Variants in GAD1 observed in about 807,000 individuals in gnomAD.
The protein encoded by GAD1 is glutamate decarboxylase 1, also known as 67 kDa glutamic acid decarboxylase.
Under a neutral mutation model 75.2 loss-of-function variants are expected in GAD1, and 35 were observed. The observed-to-expected ratio is 0.47, with a 90% CI of 0.36 to 0.62. GAD1 has a LOEUF of 0.62. Among genes scored for constraint, GAD1 ranks in the 20% least tolerant of loss-of-function variants. The probability of loss-of-function intolerance (pLI) is 0.00; values close to 1 mark genes in which losing one functional copy is unlikely to be tolerated. For synonymous variants in GAD1, 257 were observed against 271.9 expected, an observed-to-expected ratio of 0.95 and a Z score of 0.54; for missense variants, 490 against 758.5, an observed-to-expected ratio of 0.65 and a Z score of 4.16.
rs1029132164 is a variant in GAD1, at chr2:170,836,655, A to C, written c.548-138A>C. 4.2e-6 allele frequency: 3 copies of C among 708,708 alleles called. No individual in the cohort carries two copies. The African/African-American group carries it at 5.3e-5, about 12-fold the overall frequency. The allele number at this position is 708,708 out of a possible 1,614,324, so 43.9% of individuals were successfully genotyped here. A position where few individuals can be genotyped will look rare whatever the true frequency, so the allele number is the denominator to read the frequency against. On this transcript the variant is annotated intron_variant, in intron 5 of 16. Coordinates refer to ENST00000358196, the MANE Select transcript of GAD1 (RefSeq NM_000817.3). The stretch of plus-strand genomic sequence containing the variant: ...TGGGTCAACCTGCCCTTCCTTTTTC[A>C]ATATCCTTGAGCAGCCTTATTCGAC...
chr2:170,845,565 G>A lies in GAD1; in HGVS notation c.811G>A (p.Val271Ile), dbSNP rs148633602. The change falls in exon 8 of 17, where the codon GTT becomes ATT. Residue 271 changes from valine to isoleucine, a missense_variant. Val to Ile is a conservative substitution (Grantham distance 29). This residue lies in a region of GAD1 where 324 missense variants were observed against 523.9 expected (regional missense o/e 0.62). Coordinates refer to ENST00000358196, the MANE Select transcript of GAD1 (RefSeq NM_000817.3). ...MAARYKYFPE[V>I]KTKGMAAVPK... ...TGCTCGCTACAAGTACTTCCCGGAA[G>A]TTAAGACAAAGGGCATGGCGGCTGT... 2 of 1,614,068 alleles carry A rather than the reference G, an allele frequency of 1.2e-6. No homozygotes were observed. The highest frequency in any genetic ancestry group is 1.3e-5 in the African/African-American group (1 of 74,930).
At chr2:170,841,564 A>G (rs747823676) in intron 6 of GAD1, among the ~76,000 whole-genome samples, 2 of 152,144 alleles carry the variant, frequency 1.3e-5, no homozygotes, top group Non-Finnish European at 2.9e-5. Flanking sequence ...TAAAGTTAAA[A>G]ATAAGAAATT....
intron 5 of GAD1, among the ~76,000 whole-genome samples, chr2:170,835,820 C>G (rs183058376): frequency 6.6e-6 from 1 of 152,102 alleles, no homozygotes; most frequent in Non-Finnish European, 1.5e-5. Context: ...TGGCAATGAG[C>G]AAAGTAGAGT....
At chr2:170,854,397 CTTTTTTTTTTT>C (rs71399565) in intron 14 of GAD1, among the ~76,000 whole-genome samples, 1 of 112,776 alleles carries the variant, frequency 8.9e-6, no homozygotes, top group African/African-American at 3.4e-5. Context: ...ACCTTGAATT[CTTTTTTTTTTT>C]TTTTTTTTTT....
intron 3 of GAD1, among the ~76,000 whole-genome samples, chr2:170,827,969 G>A (rs1181943218): frequency 6.6e-6 from 1 of 152,110 alleles, no homozygotes; most frequent in African/African-American, 2.4e-5. Flanking sequence ...TCAACCCTGT[G>A]AGCATTACCT....
chr2:170,844,257 G>T, intron 7 of GAD1, 100 bp downstream of exon 7: 1 of 736,704 alleles, frequency 1.4e-6, no homozygotes, highest in Non-Finnish European at 2.4e-6. Flanking sequence ...CATTTTTTTT[G>T]GATACCCTGA....
chr2:170,823,769 G>A (rs1446723977), intron 3 of GAD1, among the ~76,000 whole-genome samples: 6 of 152,104 alleles, frequency 3.9e-5, no homozygotes, highest in Admixed American at 1.3e-4. Context: ...AGCCAGCCGG[G>A]CAGGCAGAAC....
chr2:170,822,186 C>A (rs771454267), intron 3 of GAD1, 37 bp downstream of exon 3: 2 of 1,580,568 alleles, frequency 1.3e-6, no homozygotes, highest in Non-Finnish European at 1.7e-6. Flanking sequence ...GGCTGGGTGG[C>A]GCGGCGGGCG....
At chr2:170,831,218 G>T in intron 5 of GAD1, 26 bp downstream of exon 5, 2 of 1,613,648 alleles carry the variant, frequency 1.2e-6, no homozygotes, top group East Asian at 2.2e-5. Flanking sequence ...GGGTAGACAG[G>T]TAGTGGCAAC....
At chr2:170,819,073 A>G (rs569012738) in intron 2 of GAD1, among the ~76,000 whole-genome samples, 3 of 152,172 alleles carry the variant, frequency 2.0e-5, no homozygotes, top group Non-Finnish European at 4.4e-5. Context: ...GCTTTCGTTG[A>G]GCCAAGATCT....
chr2:170,852,867 C>G, intron 13 of GAD1, 75 bp downstream of exon 13: 1 of 1,246,756 alleles, frequency 8.0e-7, no homozygotes, highest in South Asian at 1.2e-5. Flanking sequence ...CGTGGGGTCT[C>G]TTTGCAGTAC....
intron 3 of GAD1, among the ~76,000 whole-genome samples, chr2:170,825,346 G>A (rs985902719): frequency 6.6e-6 from 1 of 152,116 alleles, no homozygotes. Flanking sequence ...CTATGATGGC[G>A]CCACTACACT....
rs201233553 is a variant in GAD1 at position 170,829,595 on chromosome 2, G to A, written c.266G>A (p.Arg89Gln). Residue 89 changes from arginine (R) to glutamine (Q), a missense_variant, in exon 4 of 17, where the codon CGG becomes CAG. This residue lies in a region of GAD1 where 165 missense variants were observed against 216.4 expected (regional missense o/e 0.76). Coordinates refer to ENST00000358196, the MANE Select transcript of GAD1 (RefSeq NM_000817.3). The stretch of plus-strand genomic sequence containing the variant: ...AACAGCGACCGGGATGCCCGCTTCC[G>A]GCGCACAGAGACTGACTTCTCTAAT... ...CENSDRDARF[R>Q]RTETDFSNLF... The A allele has an allele frequency of 1.1e-5, 18 of 1,613,514 alleles. No individual in the cohort carries two copies. The highest frequency in any genetic ancestry group is 1.7e-4 in the Middle Eastern group (1 of 5,906).
At chr2:170,828,105 G>GTCCTCACCC (rs765544734) in intron 3 of GAD1, among the ~76,000 whole-genome samples, 4,744 of 12,230 alleles carry the variant, frequency 0.39, 1,259 homozygotes, top group Non-Finnish European at 0.44. Flanking sequence ...TCCTTCTGCT[G>GTCCTCACCC]TCCTCCCTCT....
chr2:170,842,531 C>T (rs766001647), intron 6 of GAD1: 12 of 1,599,076 alleles, frequency 7.5e-6, no homozygotes, highest in Non-Finnish European at 9.4e-6. Flanking sequence ...GCAGCACAGG[C>T]TAAACCAGGA....
intron 4 of GAD1, among the ~76,000 whole-genome samples, chr2:170,830,410 C>A (rs1435122500): frequency 6.6e-6 from 1 of 152,220 alleles, no homozygotes; most frequent in African/African-American, 2.4e-5. Context: ...AGGGTGGGGT[C>A]AAGAAAGAGG....
intron 3 of GAD1, among the ~76,000 whole-genome samples, chr2:170,823,538 G>A (rs2105760554): frequency 6.6e-6 from 1 of 152,196 alleles, no homozygotes; most frequent in East Asian, 1.9e-4. Context: ...TGGGAGTTTG[G>A]CCTTCTCCCC....
chr2:170,831,246 C>G, intron 5 of GAD1, 54 bp downstream of exon 5: 20 of 1,594,662 alleles, frequency 1.3e-5, no homozygotes, highest in Non-Finnish European at 1.7e-5. Context: ...TCCATCTCAC[C>G]CTTGCCAGTT....
chr2:170,849,618 G>A (rs1242337030), intron 12 of GAD1, among the ~76,000 whole-genome samples: 3 of 152,230 alleles, frequency 2.0e-5, no homozygotes, highest in African/African-American at 4.8e-5. Context: ...GGAGGCCGAG[G>A]TGAGAGGATC....
Sources: gnomAD v4.1 joint callset for allele counts (sites outside exome capture counted in the v4.1 genomes callset) on GRCh38, gnomAD v4.1.1 for gene constraint, gnomAD v4.1.1 regional missense constraint, MANE v1.5 for transcripts, NCBI Gene and HGNC (gene_info 2026-07-23, HGNC 2026-07-21) for gene names.